The following CD300LF variants were observed in gnomAD, a reference collection of about 807,000 sequenced individuals.
The protein encoded by CD300LF is CD300 molecule like family member f, also known as CMRF35-like molecule 1.
In CD300LF, 27 loss-of-function variants were observed where a neutral mutation model predicts 32.2. The observed-to-expected ratio is 0.84, with a 90% CI of 0.62 to 1.15. The LOEUF is 1.15. CD300LF is among the 50% of genes most tolerant of loss of function. The pLI is 0.00. For missense variants in CD300LF, 348 were observed against 356.8 expected, an observed-to-expected ratio of 0.98 and a Z score of 0.20; for synonymous variants, 139 against 143.2, an observed-to-expected ratio of 0.97 and a Z score of 0.21.
chr17:74,698,519 C>T (rs762255966), intron 3 of CD300LF, 38 bp from the exon 4 acceptor site: 2 of 1,579,332 alleles, frequency 1.3e-6, no homozygotes, highest in East Asian at 4.6e-5. Context: ...ATCCCAGGCT[C>T]ACCACCTGCC....
At chr17:74,701,647 C>G (rs2033055470) in intron 3 of CD300LF, among the ~76,000 whole-genome samples, 1 of 152,032 alleles carries the variant, frequency 6.6e-6, no homozygotes. Flanking sequence ...CACTTGAGGA[C>G]AGGAGTTGGA....
chr17:74,700,527 G>C (rs1015473299), intron 3 of CD300LF, among the ~76,000 whole-genome samples: 1 of 152,102 alleles, frequency 6.6e-6, no homozygotes, highest in African/African-American at 2.4e-5. Context: ...GATCACATGA[G>C]GTCGGGAGTT....
intron 1 of CD300LF, among the ~76,000 whole-genome samples, chr17:74,709,128 G>T (rs2143882040): frequency 6.6e-6 from 1 of 151,546 alleles, no homozygotes; most frequent in Non-Finnish European, 1.5e-5. Flanking sequence ...GGAGGCTGAG[G>T]CAGGAGAATC....
chr17:74,697,249 A>G, intron 4 of CD300LF, among the ~76,000 whole-genome samples: 1 of 152,020 alleles, frequency 6.6e-6, no homozygotes, highest in East Asian at 1.9e-4. Flanking sequence ...CAGAGATTGG[A>G]TTGGATTGTT....
At chr17:74,703,864 G>A (rs2033279307) in intron 2 of CD300LF, among the ~76,000 whole-genome samples, 1 of 152,198 alleles carries the variant, frequency 6.6e-6, no homozygotes, top group Admixed American at 6.5e-5. Context: ...AACGCTCCCA[G>A]GAGTGTCTGC....
intron 1 of CD300LF, among the ~76,000 whole-genome samples, chr17:74,708,782 G>A (rs1429382134): frequency 6.6e-6 from 1 of 152,066 alleles, no homozygotes; most frequent in African/African-American, 2.4e-5. Flanking sequence ...CAGGCGTGGT[G>A]GCGGGCGCCT....
At chr17:74,712,737 CT>C in intron 1 of CD300LF, 86 bp downstream of exon 1, 1 of 1,408,980 alleles carries the variant, frequency 7.1e-7, no homozygotes, top group Non-Finnish European at 1.0e-6. Flanking sequence ...TTAAGGACAC[CT>C]TCTGGCCGGG....
intron 2 of CD300LF, among the ~76,000 whole-genome samples, chr17:74,703,442 G>A (rs2033240520): frequency 6.6e-6 from 1 of 152,132 alleles, no homozygotes; most frequent in Non-Finnish European, 1.5e-5. Flanking sequence ...TGCTGCTTAT[G>A]ACAGTGCCTT....
At chr17:74,700,011 G>A (rs906725504) in intron 3 of CD300LF, among the ~76,000 whole-genome samples, 11 of 151,954 alleles carry the variant, frequency 7.2e-5, no homozygotes, top group East Asian at 1.9e-4. Flanking sequence ...GTGGGGTGGC[G>A]TGTGTCTGTA....
intron 1 of CD300LF, among the ~76,000 whole-genome samples, chr17:74,709,703 C>T (rs1383943993): frequency 4.0e-5 from 6 of 151,644 alleles, no homozygotes; most frequent in Non-Finnish European, 7.4e-5. Context: ...GTAGCTGGGA[C>T]GACAGGACCA....
chr17:74,706,858 G>A (rs1348024634), intron 1 of CD300LF, among the ~76,000 whole-genome samples: 1 of 152,114 alleles, frequency 6.6e-6, no homozygotes, highest in Non-Finnish European at 1.5e-5. Flanking sequence ...GGAAAGAAGC[G>A]GGCCCTGTGA....
chr17:74,695,593 A>C, intron 6 of CD300LF, 132 bp downstream of exon 6: 1 of 1,321,922 alleles, frequency 7.6e-7, no homozygotes, highest in Non-Finnish European at 1.0e-6. Context: ...TCCTGCAGTG[A>C]CTATGGCTTT....
At chr17:74,702,850 T>C (rs986392005) in intron 3 of CD300LF, among the ~76,000 whole-genome samples, 185 bp downstream of exon 3, 8 of 152,246 alleles carry the variant, frequency 5.3e-5, no homozygotes, top group African/African-American at 1.9e-4. Context: ...GAATGAAGGA[T>C]CTGTGGAGAC....
intron 1 of CD300LF, among the ~76,000 whole-genome samples, chr17:74,707,071 CT>C (rs1295562996): frequency 2.0e-5 from 3 of 152,196 alleles, no homozygotes; most frequent in Admixed American, 6.6e-5. Flanking sequence ...CAACATTGGT[CT>C]TGGCGATGAT....
intron 1 of CD300LF, among the ~76,000 whole-genome samples, chr17:74,707,344 C>T (rs2033601903): frequency 1.3e-5 from 2 of 152,182 alleles, no homozygotes; most frequent in Admixed American, 1.3e-4. Context: ...AGATATTTCT[C>T]AAAAGAGGAG....
Position 74,695,821 on chromosome 17 carries a change from G to T in CD300LF, c.621C>A (p.Asp207Glu). ...AGGTTCCGGCCAGCTGCAGGGTCAG[G>T]TCTGCATAGCAGAGGTCGCCCTCCA... Reference protein sequence around the residue: ...QPLEGDLCYADLTLQLAGTSP... With the variant: ...QPLEGDLCYAELTLQLAGTSP... The change falls in exon 6 of 7, where the codon GAC becomes GAA. Residue 207 changes from aspartate (D) to glutamate (E), a missense_variant. Physicochemically the swap from Asp to Glu is conservative, Grantham distance 45. Coordinates refer to ENST00000326165, the MANE Select transcript of CD300LF (RefSeq NM_139018.5). 6.2e-7 allele frequency: 1 copy of T among 1,614,154 alleles called. No homozygotes were observed. The highest frequency in any genetic ancestry group is 1.1e-5 in the South Asian group (1 of 91,088).
At chr17:74,710,595 A>G (rs2033875681) in intron 1 of CD300LF, among the ~76,000 whole-genome samples, 2 of 151,906 alleles carry the variant, frequency 1.3e-5, no homozygotes, top group Non-Finnish European at 2.9e-5. Flanking sequence ...GCGGTGGCTC[A>G]CGCCTGTAAT....
chr17:74,695,629 C>A, intron 6 of CD300LF, 96 bp downstream of exon 6: 1 of 1,558,926 alleles, frequency 6.4e-7, no homozygotes, highest in Non-Finnish European at 8.8e-7. Flanking sequence ...CCTCTATGCC[C>A]ACATGAGCAG....
Position 74,704,494 on chromosome 17 carries a change from T to C in CD300LF, c.366A>G (p.Gln122=). The C allele has an allele frequency of 6.2e-7, 1 of 1,612,710 alleles. No individual in the cohort carries two copies. The highest frequency in any genetic ancestry group is 8.5e-7 in the Non-Finnish European group (1 of 1,178,988). The change falls in exon 2 of 7, where the codon CAA becomes CAG. Residue 122 remains glutamine (Q), a synonymous_variant. Coordinates refer to ENST00000326165, the MANE Select transcript of CD300LF (RefSeq NM_139018.5). ...CCCTCTTACCTGGGTCAATGGTCAC[T>C]TGAACTGTGACCCCAAGGTCATTTC... ...KTGNDLGVTV[Q]VTIDPAPVTQ... is the part of the protein sequence containing the mutation.
Sources: allele counts gnomAD v4.1 joint callset (sites outside exome capture counted in the v4.1 genomes callset), GRCh38; gene constraint gnomAD v4.1.1; transcripts MANE v1.5; gene names NCBI Gene and HGNC (gene_info 2026-07-23, HGNC 2026-07-21).